TLK2: variants seen among roughly 807,000 people sequenced by gnomAD.
The protein encoded by TLK2 is tousled like kinase 2, also known as serine/threonine-protein kinase tousled-like 2.
TLK2 carries 6 observed loss-of-function variants against 117.3 expected under a neutral mutation model. That is an observed-to-expected ratio of 0.05 (90% CI 0.03 to 0.10). The LOEUF (loss-of-function observed/expected upper bound fraction) is 0.10, where lower values mean the gene tolerates loss of function less well. Ranked by LOEUF, TLK2 falls within the 10% of genes least tolerant of loss-of-function variation. TLK2 has a pLI of 1.00. For missense variants in TLK2, 299 were observed against 901.2 expected (o/e 0.33, Z 8.56); for synonymous variants, 257 against 316.7 (o/e 0.81, Z 2.00).
intron 16 of TLK2, among the ~76,000 whole-genome samples, chr17:62,594,015 A>G (rs2082273808): frequency 6.7e-6 from 1 of 149,872 alleles, no homozygotes; most frequent in Non-Finnish European, 1.5e-5. Flanking sequence ...CTGGCCTCAA[A>G]CTCCTGACCT....
chr17:62,478,657 A>G (rs922074438), upstream of TLK2, among the ~76,000 whole-genome samples: 1 of 148,792 alleles, frequency 6.7e-6, no homozygotes, highest in Non-Finnish European at 1.5e-5. Flanking sequence ...CGCTGATTGG[A>G]GAAGGCGGGG....
At chr17:62,523,909 A>G (rs1315922129) in intron 5 of TLK2, among the ~76,000 whole-genome samples, 3 of 152,222 alleles carry the variant, frequency 2.0e-5, no homozygotes, top group African/African-American at 4.8e-5. Context: ...ACTAACATCC[A>G]CTGCACCACT....
rs111620281 is a variant in TLK2, at chr17:62,542,421, TTAAG to T, written c.531+6089_531+6092del. 2.7e-3 allele frequency among the ~76,000 whole-genome samples: 415 copies of T among 152,340 alleles called. 1 individual carries two copies. The highest frequency in any genetic ancestry group is 9.2e-3 in the African/African-American group (381 of 41,576). Reference sequence around the variant, plus strand: ...TGTACCTGGCCTTATTTAATCAACTTTAAGTAAGATCTGTTTACTCCTCGTTATG... The same window carrying T: ...TGTACCTGGCCTTATTTAATCAACTTTAAGATCTGTTTACTCCTCGTTATG... On this transcript the variant is annotated intron_variant, in intron 7 of 21. Coordinates refer to ENST00000346027, the MANE Select transcript of TLK2 (RefSeq NM_006852.6).
chr17:62,611,220 A>C (rs2083734407), intron 21 of TLK2, among the ~76,000 whole-genome samples: 1 of 152,232 alleles, frequency 6.6e-6, no homozygotes. Context: ...TTTCACCTAG[A>C]AAGGCTCATT....
upstream of TLK2, among the ~76,000 whole-genome samples, chr17:62,476,118 T>A (rs1459091261): frequency 6.6e-6 from 1 of 152,068 alleles, no homozygotes; most frequent in Non-Finnish European, 1.5e-5. Flanking sequence ...TAGCTGAAAG[T>A]ACAGGTACGT....
intron 2 of TLK2, among the ~76,000 whole-genome samples, chr17:62,482,102 C>T (rs1205893648): frequency 6.6e-6 from 1 of 151,682 alleles, no homozygotes; most frequent in Non-Finnish European, 1.5e-5. Context: ...GTGCCCGCCA[C>T]CACGCCCAGC....
chr17:62,602,447 G>T (rs951397545), intron 19 of TLK2, among the ~76,000 whole-genome samples: 1 of 152,050 alleles, frequency 6.6e-6, no homozygotes, highest in Non-Finnish European at 1.5e-5. Context: ...TATGTTTTTT[G>T]TACAGAGTTG....
intron 12 of TLK2, among the ~76,000 whole-genome samples, 186 bp from the exon 13 acceptor site, chr17:62,576,523 C>G (rs574984036): frequency 2.6e-4 from 40 of 152,170 alleles, no homozygotes; most frequent in Admixed American, 4.6e-4. Flanking sequence ...AAGTTCTTCC[C>G]TCACATCACA....
intron 2 of TLK2, among the ~76,000 whole-genome samples, chr17:62,486,639 T>G (rs1231243105): frequency 6.6e-6 from 1 of 152,228 alleles, no homozygotes; most frequent in South Asian, 2.1e-4. Context: ...CTGGAGACCA[T>G]GTAAAGTAGG....
intron 17 of TLK2, among the ~76,000 whole-genome samples, chr17:62,598,547 T>C (rs2147132602): frequency 6.6e-6 from 1 of 152,006 alleles, no homozygotes; most frequent in South Asian, 2.1e-4. Flanking sequence ...TTTCCTGAGA[T>C]GGAGTCTCAC....
chr17:62,595,392 A>C (rs1366536838), intron 16 of TLK2, among the ~76,000 whole-genome samples: 1 of 150,220 alleles, frequency 6.7e-6, no homozygotes, highest in African/African-American at 2.5e-5. Context: ...TATTATCATT[A>C]TCAAGTGTTA....
chr17:62,538,821 T>C (rs1388897469), intron 7 of TLK2, among the ~76,000 whole-genome samples: 1 of 152,184 alleles, frequency 6.6e-6, no homozygotes, highest in African/African-American at 2.4e-5. Context: ...AGCCAGCATA[T>C]AAGCTTAGTA....
At chr17:62,499,542 C>A (rs193205776) in intron 2 of TLK2, among the ~76,000 whole-genome samples, 4 of 151,874 alleles carry the variant, frequency 2.6e-5, no homozygotes, top group Admixed American at 1.3e-4. Flanking sequence ...ACTCAAGGAG[C>A]CATTTGTTGT....
At chr17:62,481,546 C>T (rs185757777) in intron 2 of TLK2, among the ~76,000 whole-genome samples, 22 of 152,198 alleles carry the variant, frequency 1.4e-4, no homozygotes, top group African/African-American at 5.1e-4. Flanking sequence ...AATTACAAGG[C>T]ATTGCATAGC....
At chr17:62,597,720 G>A (rs1346388811) in intron 17 of TLK2, among the ~76,000 whole-genome samples, 1 of 152,160 alleles carries the variant, frequency 6.6e-6, no homozygotes, top group Non-Finnish European at 1.5e-5. Flanking sequence ...CATTTTATAG[G>A]TGGATTTTGA....
intron 2 of TLK2, among the ~76,000 whole-genome samples, chr17:62,486,948 T>C (rs995260447): frequency 6.6e-6 from 1 of 152,230 alleles, no homozygotes; most frequent in Non-Finnish European, 1.5e-5. Flanking sequence ...TACAATAACT[T>C]ACACTTGTGT....
chr17:62,516,224 T>A (rs2075573017), intron 2 of TLK2: 2 of 737,524 alleles, frequency 2.7e-6, no homozygotes, highest in Non-Finnish European at 4.6e-6. Flanking sequence ...CGCGCCCGGC[T>A]CTCCCTGTTT....
chr17:62,583,852 C>T (rs1316809660), intron 15 of TLK2, among the ~76,000 whole-genome samples: 5 of 152,042 alleles, frequency 3.3e-5, no homozygotes, highest in Non-Finnish European at 7.4e-5. Context: ...GCTGGGATTA[C>T]AGGTGTGAGC....
intron 16 of TLK2, 57 bp downstream of exon 16, chr17:62,586,283 C>A: frequency 8.2e-7 from 1 of 1,216,148 alleles, no homozygotes; most frequent in Non-Finnish European, 1.2e-6. Flanking sequence ...GTAGTTTGAG[C>A]ATTATGCTAC....
Sources: gnomAD v4.1 joint callset for allele counts (sites outside exome capture counted in the v4.1 genomes callset) on GRCh38, gnomAD v4.1.1 for gene constraint, MANE v1.5 for transcripts, NCBI Gene and HGNC (gene_info 2026-07-23, HGNC 2026-07-21) for gene names.